The following ANXA11 variants were observed in gnomAD, a reference collection of about 807,000 sequenced individuals.
ANXA11 encodes annexin A11, also known as 56 kDa autoantigen.
In ANXA11, 57 loss-of-function variants were observed where a neutral mutation model predicts 64.7. The ratio of observed to expected loss-of-function variants is 0.88; its 90% CI spans 0.71 to 1.10. ANXA11 has a LOEUF of 1.10. Ranked by LOEUF, ANXA11 falls within the 50% of genes least tolerant of loss-of-function variation. ANXA11 has a pLI of 0.00. For synonymous variants in ANXA11, 260 were observed against 265.2 expected (o/e 0.98, Z 0.19); for missense variants, 675 against 670.7 (o/e 1.01, Z -0.07).
At chr10:80,178,374 T>C (rs1846246272) in intron 1 of ANXA11, among the ~76,000 whole-genome samples, 2 of 152,340 alleles carry the variant, frequency 1.3e-5, no homozygotes, top group South Asian at 4.1e-4. Context: ...CTGCTTCTAA[T>C]CACGGCCCTC....
rs1483132880 is a variant in ANXA11, at chr10:80,154,051, C to T, written c.*1802G>A. On this transcript the variant is annotated 3_prime_UTR_variant, in exon 16 of 16. Transcript: ENST00000422982. ...TTCTTGGGCTCTAAGGATCTTCCTG[C>T]CTCAGCCTCCAGAGTAGCCGACTAT... 6.6e-6 allele frequency: 1 copy of T among 152,176 alleles called. No individual in the cohort carries two copies. The highest frequency in any genetic ancestry group is 2.4e-5 in the African/African-American group (1 of 41,402). The allele number at this position is 152,176 out of a possible 1,614,324, so 9.4% of individuals were successfully genotyped here. A position where few individuals can be genotyped will look rare whatever the true frequency, so the allele number is the denominator to read the frequency against.
chr10:80,172,677 C>T, intron 3 of ANXA11, 130 bp downstream of exon 3: 1 of 923,640 alleles, frequency 1.1e-6, no homozygotes, highest in Non-Finnish European at 1.7e-6. Context: ...CTCCTGTTGT[C>T]CTCTCCTCCC....
chr10:80,156,151 AT>A (rs1311287526), intron 15 of ANXA11, among the ~76,000 whole-genome samples: 1 of 152,234 alleles, frequency 6.6e-6, no homozygotes, highest in Admixed American at 6.5e-5. Flanking sequence ...CATCAAATGA[AT>A]ACCCACAAAA....
At chr10:80,172,415 G>A (rs1053826285) in intron 3 of ANXA11, among the ~76,000 whole-genome samples, 3 of 152,194 alleles carry the variant, frequency 2.0e-5, no homozygotes, top group South Asian at 2.1e-4. Context: ...GGAGGACACC[G>A]TGTCGCTCTG....
In ANXA11 at chr10:80,157,963, A is replaced by G. The variant is rs773217818; in HGVS notation, c.1335+4T>C. The G allele has an allele frequency of 4.3e-6, 7 of 1,613,788 alleles. No individual in the cohort carries two copies. Among genetic ancestry groups the G allele is most frequent in the Non-Finnish European group, 5.9e-6 (7 of 1,179,796 alleles). On this transcript the variant is annotated splice_donor_region_variant and intron_variant, in intron 14 of 15. Coordinates refer to ENST00000422982, the MANE Select transcript of ANXA11 (RefSeq NM_145868.2). ...ATCGCAACCTGCACATGGAAGTTAC[A>G]TACCCTCATGGCCTTGTTGAGCCTC... is the stretch of plus-strand genomic sequence containing the variant.
intron 1 of ANXA11, among the ~76,000 whole-genome samples, chr10:80,183,085 C>A (rs749075636): frequency 2.0e-5 from 3 of 152,166 alleles, no homozygotes; most frequent in Non-Finnish European, 4.4e-5. Flanking sequence ...TTACTTAGCC[C>A]TGAGCTGATG....
At chr10:80,167,197 T>A (rs763108239) in intron 6 of ANXA11, 29 bp downstream of exon 6, 14 of 1,606,086 alleles carry the variant, frequency 8.7e-6, no homozygotes, top group African/African-American at 1.3e-5. Context: ...GGGCAGGGAG[T>A]AGGATTTGAG....
At chr10:80,200,175 G>T (rs1840357785) in intron 1 of ANXA11, among the ~76,000 whole-genome samples, 1 of 152,146 alleles carries the variant, frequency 6.6e-6, no homozygotes, top group South Asian at 2.1e-4. Flanking sequence ...GAACCATTAG[G>T]ACAGCCAAGG....
chr10:80,171,149 C>T (rs1845959951), intron 3 of ANXA11: 2 of 1,442,546 alleles, frequency 1.4e-6, no homozygotes, highest in South Asian at 2.8e-5. Context: ...GTTCCCCAAA[C>T]ACTCCCAAGA....
chr10:80,193,730 C>T (rs1251069442), intron 1 of ANXA11, among the ~76,000 whole-genome samples: 6 of 149,692 alleles, frequency 4.0e-5, no homozygotes, highest in African/African-American at 1.5e-4. Context: ...TATACTCCCA[C>T]CTACTCGGGA....
At chr10:80,163,254 T>C in intron 11 of ANXA11, 95 bp downstream of exon 11, 1 of 1,397,278 alleles carries the variant, frequency 7.2e-7, no homozygotes, top group Non-Finnish European at 1.0e-6. Context: ...TGCTTATCTA[T>C]TGTTCTTTCC....
Position 80,194,562 on chromosome 10 carries a change from T to C in ANXA11, c.-58+10781A>G, listed in dbSNP as rs113514356. On this transcript the variant is annotated intron_variant, in intron 1 of 15. Transcript: ENST00000422982. ...CAAAGAATTCAGAAAATGTGTTCCC[T>C]GGCAGTGGAGCATAGGGGCGTCTGA... 9.3e-4 allele frequency among the ~76,000 whole-genome samples: 142 copies of C among 152,266 alleles called. 1 individual carries two copies. The highest frequency in any genetic ancestry group is 3.3e-3 in the African/African-American group (139 of 41,552).
chr10:80,189,675 A>G (rs543119073), intron 1 of ANXA11, among the ~76,000 whole-genome samples: 44 of 152,374 alleles, frequency 2.9e-4, no homozygotes, highest in Non-Finnish European at 5.4e-4. Context: ...CCAAAATCCA[A>G]AATGCTTCAA....
intron 1 of ANXA11, among the ~76,000 whole-genome samples, chr10:80,183,597 CT>C (rs1436805835): frequency 1.3e-5 from 2 of 152,240 alleles, no homozygotes; most frequent in South Asian, 2.1e-4. Flanking sequence ...CTGCAGGCAG[CT>C]GACGACAAAA....
At chr10:80,202,919 G>A (rs1163822482) in intron 1 of ANXA11, among the ~76,000 whole-genome samples, 2 of 151,928 alleles carry the variant, frequency 1.3e-5, no homozygotes, top group Admixed American at 6.6e-5. Context: ...GGTGGTGCAT[G>A]CCTGTAATCC....
Position 80,151,969 on chromosome 10 carries a change from C to T in ANXA11, c.*3884G>A, listed in dbSNP as rs1953600. 56,939 of 152,110 alleles carry T rather than the reference C, an allele frequency of 0.37. 11,652 individuals are homozygous for T. The highest frequency in any genetic ancestry group is 0.58 in the East Asian group (2,984 of 5,166). The allele number at this position is 152,110 out of a possible 1,614,324, so 9.4% of individuals were successfully genotyped here. A position where few individuals can be genotyped will look rare whatever the true frequency, so the allele number is the denominator to read the frequency against. On this transcript the variant is annotated 3_prime_UTR_variant, in exon 16 of 16. Coordinates refer to ENST00000422982, the MANE Select transcript of ANXA11 (RefSeq NM_145868.2). ...TTGAAAACCACCACTTTAGGACCAT[C>T]TACCCAGCCACAGGGTGAGCACTCC...
Position 80,160,616 on chromosome 10 carries a change from C to T in ANXA11, c.1180+1319G>A, listed in dbSNP as rs76650132. Among the ~76,000 whole-genome samples the T allele has an allele frequency of 5.6e-3, 847 of 152,120 alleles. 11 individuals carry two copies. The highest frequency in any genetic ancestry group is 0.019 in the African/African-American group (796 of 41,384). On this transcript the variant is annotated intron_variant, in intron 12 of 15. Coordinates refer to ENST00000422982, the MANE Select transcript of ANXA11 (RefSeq NM_145868.2). ...CCCCTTCCTCTGCGTCCTCCTCCCTCCCTAGCTGCTCCTTCTTAGTCTCCT... is the reference window on the plus strand; with the variant it reads ...CCCCTTCCTCTGCGTCCTCCTCCCTTCCTAGCTGCTCCTTCTTAGTCTCCT...
intron 4 of ANXA11, 22 bp from the exon 5 acceptor site, chr10:80,169,380 C>A: frequency 6.2e-7 from 1 of 1,600,804 alleles, no homozygotes; most frequent in Non-Finnish European, 8.5e-7. Flanking sequence ...CAAAGCAGAG[C>A]CTGAGGCCAA....
chr10:80,158,303 G>T (rs550299754), intron 13 of ANXA11, among the ~76,000 whole-genome samples: 112 of 152,256 alleles, frequency 7.4e-4, no homozygotes, highest in African/African-American at 2.5e-3. Flanking sequence ...GTCTTAGTGG[G>T]GCTAGGAGCT....
Sources: gnomAD v4.1 joint callset for allele counts (sites outside exome capture counted in the v4.1 genomes callset) on GRCh38, gnomAD v4.1.1 for gene constraint, MANE v1.5 for transcripts, NCBI Gene and HGNC (gene_info 2026-07-23, HGNC 2026-07-21) for gene names.